The following BRWD3 variants were observed in gnomAD, a reference collection of about 807,000 sequenced individuals.
BRWD3 encodes the protein bromodomain and WD repeat-containing protein 3.
Under a neutral mutation model 149.7 loss-of-function variants are expected in BRWD3, and 10 were observed. The observed-to-expected ratio is 0.07, with a 90% CI of 0.04 to 0.11. The LOEUF is 0.11. BRWD3 is among the 10% of genes least tolerant of loss of function. The probability of loss-of-function intolerance (pLI) is 1.00; values close to 1 mark genes in which losing one functional copy is unlikely to be tolerated. For synonymous variants in BRWD3, 504 were observed against 456.7 expected, an observed-to-expected ratio of 1.10 and a Z score of -1.32; for missense variants, 940 against 1,373.2, an observed-to-expected ratio of 0.68 and a Z score of 4.99.
chrX:80,735,362 T>C (rs1239250544), intron 9 of BRWD3, among the ~76,000 whole-genome samples, 165 bp from the exon 10 acceptor site: 2 of 111,645 alleles, frequency 1.8e-5, no homozygotes, highest in Non-Finnish European at 3.8e-5. Context: ...AAAAATGCAT[T>C]TAACCTTGCA....
intron 17 of BRWD3, among the ~76,000 whole-genome samples, chrX:80,720,143 G>A (rs184102176): frequency 2.9e-4 from 32 of 111,838 alleles, no homozygotes; most frequent in African/African-American, 9.1e-4. Context: ...CTATATTACT[G>A]TTTTATGTAT....
At chrX:80,743,837 G>T (rs749060984) in intron 8 of BRWD3, 195 bp downstream of exon 8, 80 of 389,371 alleles carry the variant, frequency 2.1e-4, no homozygotes, top group Admixed American at 1.4e-3. Flanking sequence ...CATCTTTTTA[G>T]TTATTTATTA....
chrX:80,690,895 A>G (rs1367589795), intron 31 of BRWD3, among the ~76,000 whole-genome samples, 158 bp downstream of exon 31: 1 of 111,670 alleles, frequency 9.0e-6, no homozygotes, highest in East Asian at 2.8e-4. Context: ...GTGAGAATCT[A>G]CTAAATAAAG....
intron 6 of BRWD3, among the ~76,000 whole-genome samples, chrX:80,778,909 G>A (rs951518607): frequency 8.9e-6 from 1 of 112,041 alleles, no homozygotes; most frequent in Non-Finnish European, 1.9e-5. Flanking sequence ...TGAGGCATGA[G>A]AATTGCTTGA....
intron 22 of BRWD3, among the ~76,000 whole-genome samples, chrX:80,706,713 G>A (rs2147720346): frequency 8.9e-6 from 1 of 112,287 alleles, no homozygotes; most frequent in South Asian, 3.7e-4. Flanking sequence ...AGTAGGACAA[G>A]TACACTCTAA....
intron 25 of BRWD3, among the ~76,000 whole-genome samples, chrX:80,699,399 ATGTC>A (rs1230423861): frequency 1.6e-4 from 18 of 110,860 alleles, no homozygotes; most frequent in African/African-American, 5.3e-4. Context: ...ATGTATACCT[ATGTC>A]TGTCTGTATG....
chrX:80,770,460 T>C (rs962917793), intron 6 of BRWD3, among the ~76,000 whole-genome samples: 1 of 111,696 alleles, frequency 9.0e-6, no homozygotes, highest in African/African-American at 3.3e-5. Context: ...CGCAAATCAA[T>C]AAACATAATC....
intron 6 of BRWD3, among the ~76,000 whole-genome samples, chrX:80,790,193 C>CAAAAAAAAAAAAAAAAAAAAAAAA: frequency 2.8e-5 from 1 of 35,316 alleles, no homozygotes; most frequent in Non-Finnish European, 4.8e-5. Flanking sequence ...GACTCTGTCT[C>CAAAAAAAAAAAAAAAAAAAAAAAA]AAAAAAAAAA....
At position 80,696,010 on chromosome X, in the gene BRWD3, C is replaced by T; in HGVS notation, c.3069-20G>A. ...TGATACCTATACAGAAAATAAAGCA[C>T]ATATGAATCAATATAGAGATATAAC... On this transcript the variant is annotated intron_variant, in intron 26 of 40. Coordinates refer to ENST00000373275, the MANE Select transcript of BRWD3 (RefSeq NM_153252.5). 9.0e-7 allele frequency: 1 copy of T among 1,109,315 alleles called. No individual in the cohort carries two copies. The highest frequency in any genetic ancestry group is 1.2e-6 in the Non-Finnish European group (1 of 803,687). The allele number at this position is 1,109,315 out of a possible 1,213,427, so 91.4% of individuals were successfully genotyped here. A position where few individuals can be genotyped will look rare whatever the true frequency, so the allele number is the denominator to read the frequency against.
intron 22 of BRWD3, 131 bp downstream of exon 22, chrX:80,707,296 C>T (rs768768723): frequency 4.4e-5 from 27 of 616,663 alleles, no homozygotes; most frequent in Non-Finnish European, 6.4e-5. Context: ...TCAGGTCTCT[C>T]GGCTTCCAGC....
At chrX:80,794,604 C>A (rs1442634141) in intron 4 of BRWD3, among the ~76,000 whole-genome samples, 3 of 109,467 alleles carry the variant, frequency 2.7e-5, no homozygotes, top group Admixed American at 9.8e-5. Context: ...CATATGGAAT[C>A]AGGAAGAGAA....
intron 6 of BRWD3, among the ~76,000 whole-genome samples, chrX:80,771,090 G>A (rs1031838184): frequency 1.2e-4 from 13 of 111,416 alleles, no homozygotes; most frequent in African/African-American, 3.6e-4. Context: ...CCTGCTCAGC[G>A]AAATAAAGTA....
At chrX:80,765,528 T>C (rs1375999083) in intron 6 of BRWD3, among the ~76,000 whole-genome samples, 1 of 111,856 alleles carries the variant, frequency 8.9e-6, no homozygotes, top group Non-Finnish European at 1.9e-5. Context: ...AAGAGGGTAG[T>C]TATACATACC....
chrX:80,732,771 A>G (rs2073350838), intron 12 of BRWD3, among the ~76,000 whole-genome samples: 1 of 112,001 alleles, frequency 8.9e-6, no homozygotes, highest in African/African-American at 3.2e-5. Flanking sequence ...TGTGGTAAAA[A>G]GCTGTGAATG....
At position 80,771,265 on chromosome X, in the gene BRWD3, G is replaced by A. The variant is rs758858991; in HGVS notation, c.430+20589C>T. Reference sequence around the variant, plus strand: ...GAAAAAACTACTTTAAAGTTCATACGGAACCAAAAAAGAGCCCGCAATGCC... The same window carrying A: ...GAAAAAACTACTTTAAAGTTCATACAGAACCAAAAAAGAGCCCGCAATGCC... On this transcript the variant is annotated intron_variant, in intron 6 of 40. Coordinates refer to ENST00000373275, the MANE Select transcript of BRWD3 (RefSeq NM_153252.5). Among the ~76,000 whole-genome samples, 260 of 111,182 alleles carry A rather than the reference G, an allele frequency of 2.3e-3. 2 individuals carry two copies. The highest frequency in any genetic ancestry group is 8.2e-3 in the African/African-American group (252 of 30,600).
chrX:80,736,505 C>G (rs1308596398), intron 8 of BRWD3, among the ~76,000 whole-genome samples: 1 of 111,280 alleles, frequency 9.0e-6, no homozygotes, highest in East Asian at 2.8e-4. Flanking sequence ...AGAAGTAAAT[C>G]TAAAAACACT....
intron 6 of BRWD3, 64 bp from the exon 7 acceptor site, chrX:80,745,793 T>C: frequency 9.7e-7 from 1 of 1,028,065 alleles, no homozygotes; most frequent in East Asian, 3.3e-5. Flanking sequence ...AATTAAGTCA[T>C]AAATATTAAG....
At chrX:80,806,334 G>A (rs1168249897) in intron 4 of BRWD3, among the ~76,000 whole-genome samples, 1 of 111,258 alleles carries the variant, frequency 9.0e-6, no homozygotes, top group Non-Finnish European at 1.9e-5. Flanking sequence ...TTCCTTAAAG[G>A]TTAAGCCTCA....
intron 5 of BRWD3, among the ~76,000 whole-genome samples, chrX:80,792,380 G>A (rs2074190934): frequency 8.9e-6 from 1 of 112,195 alleles, no homozygotes; most frequent in Admixed American, 9.5e-5. Flanking sequence ...GTACATGTTC[G>A]TATTATGAAA....
Sources: allele counts gnomAD v4.1 joint callset (sites outside exome capture counted in the v4.1 genomes callset), GRCh38; gene constraint gnomAD v4.1.1; transcripts MANE v1.5; gene names NCBI Gene and HGNC (gene_info 2026-07-23, HGNC 2026-07-21).